The following EFHC1 variants were observed in gnomAD, a reference collection of about 807,000 sequenced individuals.
EFHC1 encodes EF-hand domain containing 1.
In EFHC1, 53 loss-of-function variants were observed where a neutral mutation model predicts 69.9. The ratio of observed to expected loss-of-function variants is 0.76; its 90% CI spans 0.61 to 0.95. The LOEUF (loss-of-function observed/expected upper bound fraction) is 0.95. Among genes scored for constraint, EFHC1 ranks in the 40% least tolerant of loss-of-function variants. The pLI, the probability that EFHC1 is intolerant of heterozygous loss-of-function variation, is 0.00. For synonymous variants in EFHC1, 256 were observed against 278.4 expected, an observed-to-expected ratio of 0.92 and a Z score of 0.80; for missense variants, 739 against 798.7, an observed-to-expected ratio of 0.93 and a Z score of 0.90.
At chr6:52,422,141 T>A (rs972624882) in intron 1 of EFHC1, among the ~76,000 whole-genome samples, 2 of 152,044 alleles carry the variant, frequency 1.3e-5, no homozygotes, top group African/African-American at 2.4e-5. Flanking sequence ...AAAACGATTT[T>A]AAAAAAAGAC....
intron 3 of EFHC1, among the ~76,000 whole-genome samples, chr6:52,447,208 G>A (rs1488105307): frequency 1.3e-5 from 2 of 152,204 alleles, no homozygotes; most frequent in Non-Finnish European, 2.9e-5. Context: ...CCAGTCAGAC[G>A]TAGATTTGGT....
chr6:52,450,291 G>A (rs1050179296), intron 3 of EFHC1, among the ~76,000 whole-genome samples: 1 of 152,150 alleles, frequency 6.6e-6, no homozygotes, highest in Non-Finnish European at 1.5e-5. Context: ...TTGTTTTTGG[G>A]TGGAAGGTTC....
chr6:52,452,235 A>C (rs571865360), intron 3 of EFHC1, among the ~76,000 whole-genome samples: 1 of 152,362 alleles, frequency 6.6e-6, no homozygotes, highest in Admixed American at 6.5e-5. Flanking sequence ...TACAGCTTAC[A>C]TGCGCTCAAG....
intron 2 of EFHC1, among the ~76,000 whole-genome samples, chr6:52,434,315 A>G (rs1764481661): frequency 6.6e-6 from 1 of 152,094 alleles, no homozygotes; most frequent in Admixed American, 6.5e-5. Flanking sequence ...GCAAGGCAGA[A>G]ATGGCTTGGT....
chr6:52,430,165 TTTGAC>T (rs1562444079), intron 2 of EFHC1: 1 of 152,174 alleles, frequency 6.6e-6, no homozygotes. Context: ...ACAGTGACAG[TTTGAC>T]TTCTTTACCT....
intron 9 of EFHC1, among the ~76,000 whole-genome samples, chr6:52,484,954 G>C (rs1301295471): frequency 1.3e-5 from 2 of 151,884 alleles, no homozygotes; most frequent in African/African-American, 4.8e-5. Context: ...GCATATTTTA[G>C]CTACTACTAA....
At chr6:52,448,378 G>A (rs1311930359) in intron 3 of EFHC1, among the ~76,000 whole-genome samples, 3 of 152,216 alleles carry the variant, frequency 2.0e-5, no homozygotes, top group Admixed American at 6.5e-5. Flanking sequence ...AGCCAGGTGC[G>A]GGATATAATC....
intron 1 of EFHC1, among the ~76,000 whole-genome samples, chr6:52,422,310 A>T (rs1306391300): frequency 6.6e-6 from 1 of 152,170 alleles, no homozygotes; most frequent in African/African-American, 2.4e-5. Flanking sequence ...TTGGTGGTGG[A>T]AGAAGAGCTT....
At chr6:52,433,247 A>G (rs1027635646) in intron 2 of EFHC1, among the ~76,000 whole-genome samples, 1 of 152,094 alleles carries the variant, frequency 6.6e-6, no homozygotes, top group Non-Finnish European at 1.5e-5. Flanking sequence ...GGCATTAAAG[A>G]ACCTTGTTTT....
chr6:52,421,540 A>T (rs1230268567), intron 1 of EFHC1, among the ~76,000 whole-genome samples: 1 of 152,204 alleles, frequency 6.6e-6, no homozygotes. Flanking sequence ...AATGAGATTC[A>T]GTAGACTGAT....
At chr6:52,479,852 A>T in intron 9 of EFHC1, 65 bp downstream of exon 9, 1 of 1,599,384 alleles carries the variant, frequency 6.3e-7, no homozygotes, top group African/African-American at 1.3e-5. Flanking sequence ...TTGAGAAAAC[A>T]AATGAGTAAT....
intron 9 of EFHC1, chr6:52,483,366 CAG>C (rs1271703403): frequency 2.0e-5 from 3 of 152,216 alleles, no homozygotes; most frequent in Non-Finnish European, 4.4e-5. Flanking sequence ...AGGGCTCAGC[CAG>C]AGAGAGTTAT....
In EFHC1 at chr6:52,492,353, G is replaced by A; in HGVS notation, c.*12G>A. On this transcript the variant is annotated 3_prime_UTR_variant, in exon 11 of 11. Transcript: ENST00000371068. ...CTTTCTCAAACTGACCTGCTGATGA[G>A]AAAATGCAAGACAATTTTTGATACT... 7 of 1,612,588 alleles carry A rather than the reference G, an allele frequency of 4.3e-6. No homozygotes were observed. The highest frequency in any genetic ancestry group is 5.9e-6 in the Non-Finnish European group (7 of 1,178,882).
chr6:52,421,621 G>T (rs1199161922), intron 1 of EFHC1, among the ~76,000 whole-genome samples: 1 of 152,132 alleles, frequency 6.6e-6, no homozygotes, highest in African/African-American at 2.4e-5. Context: ...TTCCTCTCCA[G>T]CTTCACAAAG....
intron 2 of EFHC1, among the ~76,000 whole-genome samples, chr6:52,426,001 A>G (rs1038561969): frequency 6.6e-6 from 1 of 152,074 alleles, no homozygotes; most frequent in African/African-American, 2.4e-5. Flanking sequence ...TGTTTCCCAG[A>G]CTGACTTCCA....
At chr6:52,483,876 AC>A (rs1765731177) in intron 9 of EFHC1, 1 of 152,236 alleles carries the variant, frequency 6.6e-6, no homozygotes, top group African/African-American at 2.4e-5. Context: ...GAGGGGGAGA[AC>A]CTGATGGCAG....
intron 6 of EFHC1, among the ~76,000 whole-genome samples, chr6:52,466,360 A>G (rs576454887): frequency 1.5e-4 from 23 of 152,126 alleles, no homozygotes; most frequent in Non-Finnish European, 2.5e-4. Context: ...TACTCCCAGG[A>G]ACTTTTGCTT....
At position 52,424,183 on chromosome 6, in the gene EFHC1, T is replaced by G; in HGVS notation, c.285+16T>G. The G allele has an allele frequency of 6.2e-7, 1 of 1,611,758 alleles. No homozygotes were observed. The highest frequency in any genetic ancestry group is 1.7e-5 in the Admixed American group (1 of 59,948). On this transcript the variant is annotated intron_variant, in intron 2 of 10. Transcript: ENST00000371068. ...TGACAAAAAGGTATCATCTGGAATTTTAGGGTACCCCTTGAATTAGGGTCT... is the reference window on the plus strand; with the variant it reads ...TGACAAAAAGGTATCATCTGGAATTGTAGGGTACCCCTTGAATTAGGGTCT...
At chr6:52,485,940 AC>A (rs1177843728) in intron 9 of EFHC1, 1 of 151,844 alleles carries the variant, frequency 6.6e-6, no homozygotes, top group Non-Finnish European at 1.5e-5. Flanking sequence ...TTTGATCCTC[AC>A]CCCCGCCCTT....
Sources: allele counts gnomAD v4.1 joint callset (sites outside exome capture counted in the v4.1 genomes callset), GRCh38; gene constraint gnomAD v4.1.1; transcripts MANE v1.5; gene names NCBI Gene and HGNC (gene_info 2026-07-23, HGNC 2026-07-21).